Variants in ERBB4 observed in about 807,000 individuals in gnomAD.
ERBB4 encodes the protein erb-b2 receptor tyrosine kinase 4.
ERBB4 carries 42 observed loss-of-function variants against 158.0 expected under a neutral mutation model. The observed-to-expected ratio is 0.27, with a 90% CI of 0.21 to 0.34. ERBB4 has a LOEUF of 0.34. Among genes scored for constraint, ERBB4 ranks in the 10% least tolerant of loss-of-function variants. ERBB4 has a pLI of 1.00. For synonymous variants in ERBB4, 583 were observed against 558.7 expected, an observed-to-expected ratio of 1.04 and a Z score of -0.61; for missense variants, 1,333 against 1,624.1, an observed-to-expected ratio of 0.82 and a Z score of 3.08.
At chr2:211,503,368 A>G (rs2065664439) in intron 20 of ERBB4, among the ~76,000 whole-genome samples, 1 of 152,144 alleles carries the variant, frequency 6.6e-6, no homozygotes, top group Non-Finnish European at 1.5e-5. Flanking sequence ...GGGTCCCACC[A>G]GCACTGTTTG....
chr2:212,412,025 G>A (rs182441431), intron 1 of ERBB4, among the ~76,000 whole-genome samples: 4 of 152,174 alleles, frequency 2.6e-5, no homozygotes, highest in African/African-American at 9.6e-5. Context: ...CAATTAGTTA[G>A]CTTCTTTCTC....
chr2:212,332,219 T>A (rs546015442), intron 1 of ERBB4, among the ~76,000 whole-genome samples: 18 of 151,916 alleles, frequency 1.2e-4, no homozygotes, highest in Admixed American at 5.3e-4. Context: ...CCTCACAAGA[T>A]CTGATGGTTT....
At chr2:212,016,796 G>A (rs1016314223) in intron 2 of ERBB4, among the ~76,000 whole-genome samples, 3 of 151,940 alleles carry the variant, frequency 2.0e-5, no homozygotes, top group Admixed American at 6.6e-5. Flanking sequence ...TCTGAATAAG[G>A]TAATTAACTC....
At chr2:212,103,031 T>A (rs1296252865) in intron 2 of ERBB4, among the ~76,000 whole-genome samples, 1 of 152,146 alleles carries the variant, frequency 6.6e-6, no homozygotes, top group Non-Finnish European at 1.5e-5. Context: ...TATCTGTCTC[T>A]GTCCATCTCT....
At chr2:212,423,861 T>A (rs1283171966) in intron 1 of ERBB4, among the ~76,000 whole-genome samples, 1 of 152,172 alleles carries the variant, frequency 6.6e-6, no homozygotes, top group Non-Finnish European at 1.5e-5. Flanking sequence ...TTTGAATTAC[T>A]GAACCAATGC....
chr2:212,356,560 T>C (rs943871992), intron 1 of ERBB4, among the ~76,000 whole-genome samples: 1 of 151,970 alleles, frequency 6.6e-6, no homozygotes, highest in Non-Finnish European at 1.5e-5. Context: ...ATTTATCACA[T>C]AACACTTGTC....
chr2:211,772,169 C>T (rs899819444), intron 4 of ERBB4, among the ~76,000 whole-genome samples: 18 of 152,132 alleles, frequency 1.2e-4, no homozygotes, highest in African/African-American at 4.3e-4. Flanking sequence ...AAAATCCACA[C>T]TGATTGCTCA....
chr2:212,227,678 C>A lies in ERBB4; in HGVS notation c.83-102775G>T, dbSNP rs116326612. The stretch of plus-strand genomic sequence containing the variant: ...AATAAAGAAATACATTATAAGTAAT[C>A]AAGTCTTTGAATGGTGCTATGTGCT... On this transcript the variant is annotated intron_variant, in intron 1 of 27. Transcript: ENST00000342788. Among the ~76,000 whole-genome samples, 548 of 152,190 alleles carry A rather than the reference C, an allele frequency of 3.6e-3. 2 individuals are homozygous for A. Among genetic ancestry groups the A allele is most frequent in the Non-Finnish European group, 6.0e-3 (410 of 67,996 alleles).
At chr2:211,453,426 A>T (rs1559183158) in intron 20 of ERBB4, among the ~76,000 whole-genome samples, 1 of 152,128 alleles carries the variant, frequency 6.6e-6, no homozygotes. Flanking sequence ...CCCGCTTTAA[A>T]TTTTTTTGAT....
intron 2 of ERBB4, among the ~76,000 whole-genome samples, chr2:212,108,205 A>G (rs1169875703): frequency 6.6e-6 from 1 of 152,186 alleles, no homozygotes; most frequent in African/African-American, 2.4e-5. Context: ...ACACAGCACG[A>G]GCAAAAACAA....
intron 2 of ERBB4, among the ~76,000 whole-genome samples, chr2:212,118,558 G>C (rs2079640819): frequency 9.0e-6 from 1 of 110,964 alleles, no homozygotes; most frequent in Admixed American, 8.5e-5. Context: ...AACATCCTCA[G>C]AAGAATCCCA....
chr2:212,528,214 G>C (rs1413822802), intron 1 of ERBB4, among the ~76,000 whole-genome samples: 1 of 152,050 alleles, frequency 6.6e-6, no homozygotes, highest in East Asian at 1.9e-4. Context: ...GGCATGCTAA[G>C]CATCCCTTTC....
chr2:212,422,442 G>A (rs561129929), intron 1 of ERBB4, among the ~76,000 whole-genome samples: 12 of 152,120 alleles, frequency 7.9e-5, no homozygotes, highest in African/African-American at 2.9e-4. Flanking sequence ...AGGTTGCAGC[G>A]AGCTGAGATC....
At chr2:211,507,530 T>C (rs2065781761) in intron 20 of ERBB4, among the ~76,000 whole-genome samples, 1 of 152,076 alleles carries the variant, frequency 6.6e-6, no homozygotes, top group Non-Finnish European at 1.5e-5. Flanking sequence ...AACAGCATGG[T>C]ACAGGAAGAA....
intron 1 of ERBB4, among the ~76,000 whole-genome samples, chr2:212,144,732 T>C (rs535756155): frequency 6.6e-6 from 1 of 152,194 alleles, no homozygotes; most frequent in Non-Finnish European, 1.5e-5. Flanking sequence ...ATTTTGTTTT[T>C]ATCATTTCTG....
At chr2:211,602,272 C>G (rs774812532) in intron 19 of ERBB4, among the ~76,000 whole-genome samples, 2 of 152,118 alleles carry the variant, frequency 1.3e-5, no homozygotes, top group Admixed American at 6.5e-5. Context: ...GAGATTTACA[C>G]GATCTGCCTG....
chr2:211,385,107 TTC>T (rs2062658583), intron 27 of ERBB4, among the ~76,000 whole-genome samples: 1 of 152,102 alleles, frequency 6.6e-6, no homozygotes, highest in Non-Finnish European at 1.5e-5. Context: ...GAAACAAACT[TTC>T]TGTCTTTTAT....
At chr2:212,160,190 C>T (rs952586897) in intron 1 of ERBB4, among the ~76,000 whole-genome samples, 1 of 151,912 alleles carries the variant, frequency 6.6e-6, no homozygotes, top group African/African-American at 2.4e-5. Flanking sequence ...AAGACAAGAA[C>T]CAATTAGTGT....
intron 2 of ERBB4, among the ~76,000 whole-genome samples, chr2:212,028,614 C>T (rs1208743348): frequency 6.6e-6 from 1 of 152,086 alleles, no homozygotes; most frequent in Non-Finnish European, 1.5e-5. Flanking sequence ...AAAAAGCTAA[C>T]AGACTGCACG....
Sources: gnomAD v4.1 joint callset for allele counts (sites outside exome capture counted in the v4.1 genomes callset) on GRCh38, gnomAD v4.1.1 for gene constraint, MANE v1.5 for transcripts, NCBI Gene and HGNC (gene_info 2026-07-23, HGNC 2026-07-21) for gene names.